Variants in PRKG1 observed in about 807,000 individuals in gnomAD.
PRKG1 encodes protein kinase cGMP-dependent 1, also known as cGMP-dependent protein kinase 1.
In PRKG1, 35 loss-of-function variants were observed where a neutral mutation model predicts 88.1. That is an observed-to-expected ratio of 0.40 (90% confidence interval 0.30 to 0.53). The LOEUF is 0.53. Among genes scored for constraint, PRKG1 ranks in the 20% least tolerant of loss-of-function variants. The probability of loss-of-function intolerance (pLI) is 0.59; values close to 1 mark genes in which losing one functional copy is unlikely to be tolerated. For missense variants in PRKG1, 540 were observed against 839.8 expected, an observed-to-expected ratio of 0.64 and a Z score of 4.41; for synonymous variants, 303 against 292.5, an observed-to-expected ratio of 1.04 and a Z score of -0.37.
At chr10:51,186,346 T>C (rs995533790) in intron 2 of PRKG1, among the ~76,000 whole-genome samples, 4 of 152,048 alleles carry the variant, frequency 2.6e-5, no homozygotes, top group African/African-American at 7.2e-5. Flanking sequence ...TTTTGGATTC[T>C]TTCCCTTGTT....
At position 51,545,780 on chromosome 10, in the gene PRKG1, G is replaced by A. The variant is rs567819356; in HGVS notation, c.592+77944G>A. On this transcript the variant is annotated intron_variant, in intron 3 of 17. Coordinates refer to ENST00000373980, the MANE Select transcript of PRKG1 (RefSeq NM_006258.4). Reference sequence around the variant, plus strand: ...AATATTACAAACATATATAGTCCACGCTAGCAATAGGAAATCAATGGATAG... The same window carrying A: ...AATATTACAAACATATATAGTCCACACTAGCAATAGGAAATCAATGGATAG... Among the ~76,000 whole-genome samples, 27 of 152,062 alleles carry A rather than the reference G, an allele frequency of 1.8e-4. No homozygotes were observed. The South Asian group carries it at 1.9e-3, about 11-fold the overall frequency.
chr10:52,098,347 T>C (rs1360478739), intron 7 of PRKG1, among the ~76,000 whole-genome samples: 1 of 152,218 alleles, frequency 6.6e-6, no homozygotes, highest in Non-Finnish European at 1.5e-5. Context: ...GGAGGTTTTA[T>C]AGGAGCGTAG....
In PRKG1 at chr10:51,141,968, A is replaced by G. The variant is rs143082763; in HGVS notation, c.312-11196A>G. ...CCATTTTGCAGTTTTTTGGAATTTT[A>G]TATTTTATCTTTTAATGGGAGCTTC... On this transcript the variant is annotated intron_variant, in intron 1 of 17. Coordinates refer to ENST00000373980, the MANE Select transcript of PRKG1 (RefSeq NM_006258.4). Among the ~76,000 whole-genome samples the G allele has an allele frequency of 3.0e-3, 457 of 152,236 alleles. 2 individuals carry two copies. Among genetic ancestry groups the G allele is most frequent in the Middle Eastern group, 0.014 (4 of 294 alleles).
At chr10:51,597,536 A>T (rs1416853850) in intron 3 of PRKG1, among the ~76,000 whole-genome samples, 1 of 152,188 alleles carries the variant, frequency 6.6e-6, no homozygotes, top group Non-Finnish European at 1.5e-5. Context: ...TTCATAAATC[A>T]ATTTTTAAAT....
intron 3 of PRKG1, among the ~76,000 whole-genome samples, chr10:51,606,084 TA>T (rs1838759689): frequency 6.6e-6 from 1 of 152,206 alleles, no homozygotes; most frequent in Admixed American, 6.6e-5. Flanking sequence ...ATTGTTGGTT[TA>T]TTTTTATATT....
At chr10:51,393,761 G>A (rs1837503089) in intron 2 of PRKG1, among the ~76,000 whole-genome samples, 1 of 152,166 alleles carries the variant, frequency 6.6e-6, no homozygotes, top group South Asian at 2.1e-4. Flanking sequence ...ACTAAAGGAA[G>A]AAGACATTAG....
intron 7 of PRKG1, among the ~76,000 whole-genome samples, chr10:52,065,518 C>T (rs910811128): frequency 2.5e-5 from 3 of 119,160 alleles, no homozygotes; most frequent in African/African-American, 1.3e-4. Flanking sequence ...TATTTTCTTT[C>T]TATTTCACAG....
chr10:51,393,733 C>T (rs1178560871), intron 2 of PRKG1, among the ~76,000 whole-genome samples: 1 of 151,986 alleles, frequency 6.6e-6, no homozygotes, highest in Non-Finnish European at 1.5e-5. Flanking sequence ...GCTACTATCA[C>T]GTAGGTATAG....
chr10:51,879,878 G>A (rs938569242), intron 4 of PRKG1, among the ~76,000 whole-genome samples: 2 of 152,224 alleles, frequency 1.3e-5, no homozygotes, highest in Admixed American at 1.3e-4. Context: ...TATACTACCT[G>A]AATCCCACAG....
intron 4 of PRKG1, among the ~76,000 whole-genome samples, chr10:51,816,408 A>C (rs867001548): frequency 3.3e-5 from 5 of 152,188 alleles, no homozygotes; most frequent in Admixed American, 1.3e-4. Context: ...CTTTTTATAG[A>C]ATAAAAAAAG....
intron 3 of PRKG1, among the ~76,000 whole-genome samples, chr10:51,582,944 C>T (rs759533407): frequency 4.6e-5 from 7 of 152,090 alleles, no homozygotes; most frequent in Non-Finnish European, 8.8e-5. Context: ...GGAATCACAA[C>T]TATTATTTTA....
At chr10:51,135,819 A>G (rs1845671340) in intron 1 of PRKG1, among the ~76,000 whole-genome samples, 1 of 151,912 alleles carries the variant, frequency 6.6e-6, no homozygotes, top group Non-Finnish European at 1.5e-5. Flanking sequence ...TTAAATATGG[A>G]TATTGGGGGA....
chr10:51,184,444 G>A (rs1316346863), intron 2 of PRKG1, among the ~76,000 whole-genome samples: 1 of 151,794 alleles, frequency 6.6e-6, no homozygotes, highest in Non-Finnish European at 1.5e-5. Context: ...ACATCAATCA[G>A]CATCACCGTA....
At chr10:52,163,835 T>C (rs1038508178) in intron 9 of PRKG1, among the ~76,000 whole-genome samples, 99 of 152,302 alleles carry the variant, frequency 6.5e-4, no homozygotes, top group African/African-American at 2.3e-3. Context: ...GAGGTAGATA[T>C]GGCAACAATT....
chr10:51,433,989 C>T (rs1354191135), intron 2 of PRKG1, among the ~76,000 whole-genome samples: 1 of 152,100 alleles, frequency 6.6e-6, no homozygotes, highest in African/African-American at 2.4e-5. Context: ...ATTTAAGGGA[C>T]TTTCCTAGGT....
At position 52,297,874 on chromosome 10, in the gene PRKG1, T is replaced by C. The variant is rs1842412647; in HGVS notation, c.*3974T>C. ...AAACAGGATGCTTTTTCCGAGTTCT[T>C]GTATATGCAAATCATTTACGAGGCA... On this transcript the variant is annotated 3_prime_UTR_variant, in exon 18 of 18. Coordinates refer to ENST00000373980, the MANE Select transcript of PRKG1 (RefSeq NM_006258.4). 1 of 152,158 alleles carries C rather than the reference T, an allele frequency of 6.6e-6. No homozygotes were observed. Among genetic ancestry groups the C allele is most frequent in the Admixed American group, 6.6e-5 (1 of 15,256 alleles). The allele number at this position is 152,158 out of a possible 1,614,324, so 9.4% of individuals were successfully genotyped here.
intron 2 of PRKG1, among the ~76,000 whole-genome samples, chr10:51,424,846 C>T (rs1197562030): frequency 1.3e-5 from 2 of 152,036 alleles, no homozygotes; most frequent in Non-Finnish European, 2.9e-5. Context: ...CTTTTAATAC[C>T]CCAGAAAGAT....
intron 6 of PRKG1, among the ~76,000 whole-genome samples, chr10:52,060,397 A>G (rs979667059): frequency 1.3e-5 from 2 of 151,958 alleles, no homozygotes; most frequent in Non-Finnish European, 2.9e-5. Flanking sequence ...GTTAAGTGTA[A>G]TTACATTAAA....
chr10:51,126,986 T>G (rs1008738057), intron 1 of PRKG1, among the ~76,000 whole-genome samples: 3 of 152,118 alleles, frequency 2.0e-5, no homozygotes, highest in Non-Finnish European at 4.4e-5. Flanking sequence ...GACTTAAATG[T>G]AAAACCAAAA....
Sources: allele counts gnomAD v4.1 joint callset (sites outside exome capture counted in the v4.1 genomes callset), GRCh38; gene constraint gnomAD v4.1.1; transcripts MANE v1.5; gene names NCBI Gene and HGNC (gene_info 2026-07-23, HGNC 2026-07-21).